Variants in NAALADL2 observed in about 807,000 individuals in gnomAD.
NAALADL2 encodes N-acetylated alpha-linked acidic dipeptidase like 2, also known as inactive N-acetylated-alpha-linked acidic dipeptidase-like protein 2.
A neutral mutation model predicts 87.2 loss-of-function variants in NAALADL2; 76 were observed. The ratio of observed to expected loss-of-function variants is 0.87; its 90% CI spans 0.72 to 1.05. The LOEUF (loss-of-function observed/expected upper bound fraction) is 1.05, where lower values mean the gene tolerates loss of function less well. NAALADL2 is among the 50% of genes least tolerant of loss of function. The pLI is 0.00. For synonymous variants in NAALADL2, 354 were observed against 331.0 expected (o/e 1.07, Z -0.75); for missense variants, 1,089 against 945.8 (o/e 1.15, Z -1.99).
intron 5 of NAALADL2, among the ~76,000 whole-genome samples, chr3:175,342,951 G>C (rs1762714991): frequency 6.6e-6 from 1 of 151,936 alleles, no homozygotes; most frequent in South Asian, 2.1e-4. Context: ...GTGAAATTTA[G>C]CATAATATTT....
intron 11 of NAALADL2, among the ~76,000 whole-genome samples, chr3:175,729,442 G>T (rs1743374146): frequency 6.6e-6 from 1 of 152,168 alleles, no homozygotes; most frequent in East Asian, 1.9e-4. Context: ...CTAACTAATA[G>T]GTAGACCAGA....
At chr3:175,258,652 A>G (rs1448447150) in intron 4 of NAALADL2, among the ~76,000 whole-genome samples, 3 of 152,114 alleles carry the variant, frequency 2.0e-5, no homozygotes, top group Non-Finnish European at 4.4e-5. Flanking sequence ...GATTTTATGA[A>G]GAGGAATTTT....
intron 11 of NAALADL2, among the ~76,000 whole-genome samples, chr3:175,719,376 G>A (rs1030423240): frequency 1.4e-4 from 21 of 146,726 alleles, no homozygotes; most frequent in African/African-American, 5.0e-4. Flanking sequence ...AAAACTTAAA[G>A]TATAATAAAA....
intron 3 of NAALADL2, among the ~76,000 whole-genome samples, chr3:174,806,599 T>C (rs1719530799): frequency 6.6e-6 from 1 of 152,172 alleles, no homozygotes; most frequent in Non-Finnish European, 1.5e-5. Flanking sequence ...GTTACCTTTG[T>C]TTTACAGACA....
At chr3:175,133,398 C>T (rs900338192) in intron 2 of NAALADL2, among the ~76,000 whole-genome samples, 8 of 152,090 alleles carry the variant, frequency 5.3e-5, no homozygotes, top group African/African-American at 1.4e-4. Context: ...TGTAGCGAGC[C>T]GATATCACGC....
At chr3:174,452,559 C>A (rs541677390) in intron 1 of NAALADL2, among the ~76,000 whole-genome samples, 7 of 152,026 alleles carry the variant, frequency 4.6e-5, no homozygotes, top group Non-Finnish European at 8.8e-5. Flanking sequence ...TTAGCCCCAA[C>A]CCCCGCCCAC....
rs898808715 is a variant in NAALADL2, at chr3:175,737,744, T to A, written c.1990+345T>A. 5.7e-3 allele frequency among the ~76,000 whole-genome samples: 778 copies of A among 137,558 alleles called. 2 individuals are homozygous for A. The highest frequency in any genetic ancestry group is 9.3e-3 in the Non-Finnish European group (598 of 64,278). The allele number at this position is 137,558 out of a possible 152,430, so 90.2% of individuals were successfully genotyped here. A position where few individuals can be genotyped will look rare whatever the true frequency, so the allele number is the denominator to read the frequency against. On this transcript the variant is annotated intron_variant, in intron 12 of 13. Coordinates refer to ENST00000454872, the MANE Select transcript of NAALADL2 (RefSeq NM_207015.3). ...TTTTTTTTTTTTTTTTTTTTTTTTT[T>A]AACATTCTAACAGCCAATCAGTTCA...
At position 174,452,605 on chromosome 3, in the gene NAALADL2, A is replaced by G. The variant is rs541397769; in HGVS notation, c.-184+11573A>G. Among the ~76,000 whole-genome samples, 3 of 152,086 alleles carry G rather than the reference A, an allele frequency of 2.0e-5. No individual in the cohort carries two copies. The East Asian group carries it at 5.8e-4, about 29-fold the overall frequency. Reference sequence around the variant, plus strand: ...CCTAATTTCGAGGAGCCAGAGAACAAAATTGAGGCCCGATACAAGTTCCCC... The same window carrying G: ...CCTAATTTCGAGGAGCCAGAGAACAGAATTGAGGCCCGATACAAGTTCCCC... On this transcript the variant is annotated intron_variant, in intron 1 of 3. Coordinates refer to the NAALADL2 transcript ENST00000434257.
intron 1 of NAALADL2, among the ~76,000 whole-genome samples, chr3:174,867,356 A>C (rs548118737): frequency 6.6e-6 from 1 of 152,110 alleles, no homozygotes; most frequent in South Asian, 2.1e-4. Flanking sequence ...CAGTTATCAG[A>C]TTAAATATCA....
At chr3:175,019,174 T>C (rs996029545) in intron 1 of NAALADL2, among the ~76,000 whole-genome samples, 1 of 152,024 alleles carries the variant, frequency 6.6e-6, no homozygotes, top group Non-Finnish European at 1.5e-5. Flanking sequence ...TATGCTGCTG[T>C]TTCTGGGTCA....
chr3:175,317,731 T>C (rs1316704493), intron 4 of NAALADL2, among the ~76,000 whole-genome samples: 1 of 152,212 alleles, frequency 6.6e-6, no homozygotes, highest in Non-Finnish European at 1.5e-5. Flanking sequence ...AGGTTTAACT[T>C]GACTTGTAAT....
chr3:175,036,354 G>A (rs1753405800), intron 1 of NAALADL2, among the ~76,000 whole-genome samples: 1 of 151,434 alleles, frequency 6.6e-6, no homozygotes, highest in Non-Finnish European at 1.5e-5. Flanking sequence ...ATTTTTGCAT[G>A]TTTTGTTTTA....
chr3:175,521,545 C>G (rs974989736), intron 9 of NAALADL2, among the ~76,000 whole-genome samples: 2 of 152,020 alleles, frequency 1.3e-5, no homozygotes, highest in Non-Finnish European at 2.9e-5. Context: ...ATGGATGTTA[C>G]TTTATTTGGA....
intron 2 of NAALADL2, among the ~76,000 whole-genome samples, chr3:175,208,028 A>G (rs1173360996): frequency 1.3e-5 from 2 of 152,132 alleles, no homozygotes; most frequent in Admixed American, 6.6e-5. Flanking sequence ...AGCTAAACAA[A>G]TAGAAAGGAA....
rs1159602995 is a variant in NAALADL2, at chr3:174,987,568, C to CAAAAAAAAA, written c.44-109200_44-109192dup. On this transcript the variant is annotated intron_variant, in intron 1 of 13. Transcript: ENST00000454872. ...TGGGCGACAGAGCGAGACTCCGTCT[C>CAAAAAAAAA]AAAAAAAAAAAAAAAAAAAAAAAAA... is the stretch of plus-strand genomic sequence containing the variant. Among the ~76,000 whole-genome samples the CAAAAAAAAA allele has an allele frequency of 4.9e-3, 102 of 20,830 alleles. 4 individuals carry two copies. The highest frequency in any genetic ancestry group is 6.2e-3 in the African/African-American group (61 of 9,872). 13.7% of individuals were successfully genotyped at this position (20,830 alleles called of 152,430 possible).
At chr3:174,948,999 A>T (rs967271510) in intron 1 of NAALADL2, among the ~76,000 whole-genome samples, 32 of 152,118 alleles carry the variant, frequency 2.1e-4, no homozygotes, top group African/African-American at 4.6e-4. Flanking sequence ...TTGTCTTCTC[A>T]CTCTAGCCTC....
chr3:174,825,101 A>T (rs1721838223), intron 3 of NAALADL2, among the ~76,000 whole-genome samples: 1 of 152,198 alleles, frequency 6.6e-6, no homozygotes, highest in South Asian at 2.1e-4. Context: ...ATTTTCCAGA[A>T]AAATAGAACC....
intron 2 of NAALADL2, among the ~76,000 whole-genome samples, chr3:175,122,065 T>C (rs1183849830): frequency 6.6e-6 from 1 of 151,902 alleles, no homozygotes; most frequent in Non-Finnish European, 1.5e-5. Flanking sequence ...GTCAGCTCTA[T>C]ATTGTTAGGG....
intron 3 of NAALADL2, among the ~76,000 whole-genome samples, chr3:174,783,024 C>T (rs764217619): frequency 6.6e-6 from 1 of 152,090 alleles, no homozygotes; most frequent in Non-Finnish European, 1.5e-5. Flanking sequence ...GGCTGTCTTT[C>T]TTCTATTTTC....
Sources: gnomAD v4.1 joint callset for allele counts (sites outside exome capture counted in the v4.1 genomes callset) on GRCh38, gnomAD v4.1.1 for gene constraint, MANE v1.5 for transcripts, NCBI Gene and HGNC (gene_info 2026-07-23, HGNC 2026-07-21) for gene names.